PPP1R13B: variants seen among roughly 807,000 people sequenced by gnomAD.
PPP1R13B encodes apoptosis-stimulating of p53 protein 1.
In PPP1R13B, 44 loss-of-function variants were observed where a neutral mutation model predicts 119.8. The ratio of observed to expected loss-of-function variants is 0.37; its 90% CI spans 0.29 to 0.47. PPP1R13B has a LOEUF of 0.47. Among genes scored for constraint, PPP1R13B ranks in the 20% least tolerant of loss-of-function variants. The pLI is 0.99. For synonymous variants in PPP1R13B, 542 were observed against 561.5 expected (o/e 0.97, Z 0.49); for missense variants, 1,227 against 1,413.5 (o/e 0.87, Z 2.12).
intron 1 of PPP1R13B, among the ~76,000 whole-genome samples, chr14:103,835,048 G>A (rs2086742603): frequency 6.6e-6 from 1 of 152,174 alleles, no homozygotes; most frequent in African/African-American, 2.4e-5. Context: ...ACTGAATCTT[G>A]TTTGCTAAGA....
At chr14:103,796,247 T>G (rs1003977529) in intron 2 of PPP1R13B, among the ~76,000 whole-genome samples, 6 of 152,012 alleles carry the variant, frequency 3.9e-5, no homozygotes, top group Non-Finnish European at 7.4e-5. Flanking sequence ...TGTGCCACTG[T>G]TCTCCAGCCT....
chr14:103,753,921 C>T, intron 6 of PPP1R13B, 149 bp downstream of exon 6: 2 of 965,588 alleles, frequency 2.1e-6, no homozygotes, highest in South Asian at 1.8e-5. Context: ...ACCCACCCAT[C>T]CTTTTAGATG....
At chr14:103,809,522 AAAG>A (rs1033671060) in intron 1 of PPP1R13B, among the ~76,000 whole-genome samples, 3 of 152,080 alleles carry the variant, frequency 2.0e-5, no homozygotes, top group Non-Finnish European at 4.4e-5. Context: ...ACTAAAACTT[AAAG>A]AATACTCTAG....
chr14:103,776,595 G>A (rs2085199865), intron 4 of PPP1R13B, among the ~76,000 whole-genome samples: 1 of 152,172 alleles, frequency 6.6e-6, no homozygotes, highest in Non-Finnish European at 1.5e-5. Context: ...CAATCAGGCT[G>A]GGCGCGATGG....
chr14:103,737,590 A>G (rs2084145576), intron 15 of PPP1R13B, 104 bp downstream of exon 15: 6 of 1,395,924 alleles, frequency 4.3e-6, no homozygotes, highest in South Asian at 1.4e-5. Context: ...CTTAAAAAAA[A>G]CAAACAGAAA....
intron 1 of PPP1R13B, among the ~76,000 whole-genome samples, chr14:103,815,396 T>A (rs984594423): frequency 6.6e-6 from 1 of 152,146 alleles, no homozygotes; most frequent in African/African-American, 2.4e-5. Context: ...AACCAATGAA[T>A]TGTACATTTT....
intron 1 of PPP1R13B, among the ~76,000 whole-genome samples, chr14:103,832,517 T>C (rs2086684558): frequency 6.6e-6 from 1 of 152,224 alleles, no homozygotes; most frequent in Non-Finnish European, 1.5e-5. Flanking sequence ...ACAAACTGAA[T>C]TCAGTTTCAA....
chr14:103,771,475 C>CCT (rs2085067176), intron 4 of PPP1R13B, among the ~76,000 whole-genome samples: 1 of 96,978 alleles, frequency 1.0e-5, no homozygotes, highest in Non-Finnish European at 2.0e-5. Context: ...ACTAACACTT[C>CCT]TTTTTTTTTT....
chr14:103,818,847 CTAAA>C (rs892664012), intron 1 of PPP1R13B, among the ~76,000 whole-genome samples: 2 of 151,896 alleles, frequency 1.3e-5, no homozygotes, highest in Non-Finnish European at 2.9e-5. Context: ...GAAAAAGAGA[CTAAA>C]TAAATAGGCA....
intron 2 of PPP1R13B, among the ~76,000 whole-genome samples, chr14:103,786,586 G>A (rs1313690471): frequency 1.3e-5 from 2 of 151,714 alleles, no homozygotes; most frequent in African/African-American, 2.4e-5. Flanking sequence ...CCAACTTGGT[G>A]AAACCCTGTC....
intron 11 of PPP1R13B, 59 bp downstream of exon 11, chr14:103,741,731 T>C: frequency 6.5e-7 from 1 of 1,529,046 alleles, no homozygotes; most frequent in Non-Finnish European, 8.8e-7. Context: ...ATTAGTATTT[T>C]CTTAATTAAA....
At chr14:103,817,210 A>AT (rs1364751789) in intron 1 of PPP1R13B, among the ~76,000 whole-genome samples, 1 of 152,188 alleles carries the variant, frequency 6.6e-6, no homozygotes, top group African/African-American at 2.4e-5. Context: ...ATGAGCCATG[A>AT]TAAGATGTCC....
At chr14:103,824,897 G>T (rs2086500755) in intron 1 of PPP1R13B, among the ~76,000 whole-genome samples, 1 of 152,104 alleles carries the variant, frequency 6.6e-6, no homozygotes, top group Non-Finnish European at 1.5e-5. Context: ...GAAAGTACAG[G>T]CATATCTTGT....
chr14:103,793,123 TGGGAG>T (rs1225623407), intron 2 of PPP1R13B, among the ~76,000 whole-genome samples: 7 of 14,908 alleles, frequency 4.7e-4, no homozygotes, highest in Non-Finnish European at 8.5e-4. Context: ...GGGAAGGCAA[TGGGAG>T]GGGAGGGGAG....
At chr14:103,755,251 A>G (rs368457950) in intron 5 of PPP1R13B, among the ~76,000 whole-genome samples, 19 of 152,318 alleles carry the variant, frequency 1.2e-4, no homozygotes, top group African/African-American at 4.6e-4. Flanking sequence ...CTGCTGCTAC[A>G]AAGTGGCTTC....
At chr14:103,816,440 A>C (rs922652809) in intron 1 of PPP1R13B, among the ~76,000 whole-genome samples, 10 of 149,038 alleles carry the variant, frequency 6.7e-5, no homozygotes, top group Non-Finnish European at 1.5e-4. Context: ...TAATCCCAGC[A>C]CTTTGGGAGG....
chr14:103,756,273 A>G (rs1174634855), intron 5 of PPP1R13B, among the ~76,000 whole-genome samples: 1 of 152,170 alleles, frequency 6.6e-6, no homozygotes, highest in Admixed American at 6.6e-5. Context: ...TATTTTTAGT[A>G]TAGACAGGGT....
chr14:103,739,615 T>C (rs750921109), intron 12 of PPP1R13B, among the ~76,000 whole-genome samples: 8 of 152,212 alleles, frequency 5.3e-5, no homozygotes, highest in African/African-American at 7.2e-5. Flanking sequence ...CTTGGCCACA[T>C]TGTGCATTTG....
intron 1 of PPP1R13B, among the ~76,000 whole-genome samples, chr14:103,815,482 C>T (rs1042054774): frequency 2.0e-5 from 3 of 152,194 alleles, no homozygotes; most frequent in African/African-American, 7.2e-5. Context: ...ACAGGCTAGG[C>T]ATGGTGGCTC....
Sources: gnomAD v4.1 joint callset for allele counts (sites outside exome capture counted in the v4.1 genomes callset) on GRCh38, gnomAD v4.1.1 for gene constraint, MANE v1.5 for transcripts, NCBI Gene and HGNC (gene_info 2026-07-23, HGNC 2026-07-21) for gene names.